Variants in PSD3 observed in about 807,000 individuals in gnomAD.
The protein encoded by PSD3 is PH and SEC7 domain-containing protein 3.
A neutral mutation model predicts 105.5 loss-of-function variants in PSD3; 49 were observed. The observed-to-expected ratio is 0.46, with a 90% CI of 0.37 to 0.59. The LOEUF (loss-of-function observed/expected upper bound fraction) is 0.59. Among genes scored for constraint, PSD3 ranks in the 20% least tolerant of loss-of-function variants. PSD3 has a pLI of 0.00. For synonymous variants in PSD3, 557 were observed against 457.8 expected (o/e 1.22, Z -2.77); for missense variants, 1,561 against 1,263.8 (o/e 1.24, Z -3.57).
chr8:18,638,240 T>G (rs1286458569), intron 10 of PSD3, among the ~76,000 whole-genome samples: 1 of 151,156 alleles, frequency 6.6e-6, no homozygotes, highest in Non-Finnish European at 1.5e-5. Flanking sequence ...ATGTTTTTCC[T>G]CTAAGACCAT....
intron 10 of PSD3, among the ~76,000 whole-genome samples, chr8:18,637,728 G>A (rs1807370076): frequency 6.6e-6 from 1 of 152,074 alleles, no homozygotes; most frequent in African/African-American, 2.4e-5. Context: ...TTTTTACAAT[G>A]AAAAACTATT....
intron 15 of PSD3, among the ~76,000 whole-genome samples, chr8:18,542,182 C>T (rs550325546): frequency 3.3e-5 from 5 of 152,290 alleles, no homozygotes; most frequent in African/African-American, 1.2e-4. Context: ...ATTACTAGGT[C>T]TCATTACAAT....
chr8:19,028,397 G>A (rs1021268003), intron 1 of PSD3, among the ~76,000 whole-genome samples: 1 of 148,690 alleles, frequency 6.7e-6, no homozygotes, highest in Non-Finnish European at 1.5e-5. Flanking sequence ...CTGTTGTCCA[G>A]GCTGGAGTGC....
chr8:18,883,046 G>T (rs955913449), intron 2 of PSD3, among the ~76,000 whole-genome samples: 3 of 152,078 alleles, frequency 2.0e-5, no homozygotes, highest in African/African-American at 7.2e-5. Context: ...AAGCAGCATA[G>T]ATATCACCAA....
At chr8:18,600,581 T>C (rs777894588) in intron 11 of PSD3, 147 bp from the exon 12 acceptor site, 27 of 657,838 alleles carry the variant, frequency 4.1e-5, no homozygotes, top group Non-Finnish European at 6.9e-5. Flanking sequence ...CTGAGCCTTA[T>C]GGTGTACCAG....
chr8:18,797,713 C>A (rs571717205), intron 8 of PSD3, among the ~76,000 whole-genome samples: 1 of 152,238 alleles, frequency 6.6e-6, no homozygotes, highest in East Asian at 1.9e-4. Flanking sequence ...AGAAACAAAT[C>A]ATCAAAAATG....
chr8:19,066,771 C>T (rs959668571), intron 1 of PSD3, among the ~76,000 whole-genome samples: 3 of 152,226 alleles, frequency 2.0e-5, no homozygotes, highest in African/African-American at 7.2e-5. Flanking sequence ...ATGCACACAA[C>T]ATGCCCACCC....
At chr8:18,866,616 C>T (rs1467464302) in intron 4 of PSD3, among the ~76,000 whole-genome samples, 1 of 152,094 alleles carries the variant, frequency 6.6e-6, no homozygotes, top group African/African-American at 2.4e-5. Context: ...ATCCACAATC[C>T]ATATTCACAA....
intron 8 of PSD3, among the ~76,000 whole-genome samples, chr8:18,785,356 T>C (rs1809040226): frequency 6.6e-6 from 1 of 152,238 alleles, no homozygotes; most frequent in Non-Finnish European, 1.5e-5. Context: ...TTTTAGGTTA[T>C]GAAGACACTT....
At chr8:18,797,897 A>G (rs1301964171) in intron 8 of PSD3, among the ~76,000 whole-genome samples, 1 of 152,136 alleles carries the variant, frequency 6.6e-6, no homozygotes, top group Non-Finnish European at 1.5e-5. Flanking sequence ...GCTGGTGATC[A>G]CTGACTTGAT....
intron 4 of PSD3, among the ~76,000 whole-genome samples, chr8:18,815,754 G>A (rs17127252): frequency 0.018 from 2,286 of 126,830 alleles, 34 homozygotes; most frequent in Middle Eastern, 0.039. Flanking sequence ...ATGGCCGTAC[G>A]GTCTCACCTT....
intron 8 of PSD3, chr8:18,786,954 G>C (rs1034894982): frequency 1.3e-5 from 2 of 152,132 alleles, no homozygotes; most frequent in South Asian, 4.1e-4. Context: ...TTTCCAAAGG[G>C]AATAAAAGTA....
chr8:18,821,717 A>ACACC (rs1554513425), intron 4 of PSD3, among the ~76,000 whole-genome samples: 3,882 of 141,154 alleles, frequency 0.028, 61 homozygotes, highest in Middle Eastern at 0.055. Context: ...ACACACACAC[A>ACACC]CCCCAATAAC....
chr8:18,602,253 G>C (rs557793413), intron 11 of PSD3, among the ~76,000 whole-genome samples: 4 of 152,044 alleles, frequency 2.6e-5, no homozygotes, highest in Non-Finnish European at 2.9e-5. Context: ...CCAAGTACAT[G>C]TTTACAAAAT....
intron 2 of PSD3, among the ~76,000 whole-genome samples, chr8:18,883,091 A>C (rs1818222709): frequency 6.6e-6 from 1 of 152,116 alleles, no homozygotes; most frequent in Admixed American, 6.6e-5. Context: ...CTCAGGCACC[A>C]CCTCAGACAT....
chr8:18,810,867 G>C (rs1811625459), intron 4 of PSD3, among the ~76,000 whole-genome samples: 1 of 152,182 alleles, frequency 6.6e-6, no homozygotes, highest in Admixed American at 6.5e-5. Flanking sequence ...ACAGACAAGA[G>C]GGCGGGTACA....
chr8:18,770,096 C>T (rs1365774885), intron 8 of PSD3, among the ~76,000 whole-genome samples: 1 of 152,178 alleles, frequency 6.6e-6, no homozygotes, highest in Non-Finnish European at 1.5e-5. Flanking sequence ...TTCCCACAAG[C>T]AGCGAATGAG....
At chr8:18,604,336 G>A (rs1472599328) in intron 11 of PSD3, among the ~76,000 whole-genome samples, 1 of 152,150 alleles carries the variant, frequency 6.6e-6, no homozygotes, top group African/African-American at 2.4e-5. Flanking sequence ...CTAGGGATCT[G>A]TGTAACTTTG....
chr8:18,752,555 ATTATATATAT>A (rs1563225383), intron 9 of PSD3, among the ~76,000 whole-genome samples: 197 of 5,548 alleles, frequency 0.036, 1 homozygote, highest in African/African-American at 0.079. Context: ...ATTATATATA[ATTATATATAT>A]TATATATATA....
Sources: allele counts gnomAD v4.1 joint callset (sites outside exome capture counted in the v4.1 genomes callset), GRCh38; gene constraint gnomAD v4.1.1; transcripts MANE v1.5; gene names NCBI Gene and HGNC (gene_info 2026-07-23, HGNC 2026-07-21).